Variants in SORT1 observed in about 807,000 individuals in gnomAD.
SORT1 encodes sortilin 1.
A neutral mutation model predicts 101.7 loss-of-function variants in SORT1; 39 were observed. That is an observed-to-expected ratio of 0.38 (90% CI 0.30 to 0.50). SORT1 has a LOEUF of 0.50. SORT1 is among the 20% of genes least tolerant of loss of function. The pLI is 0.90. For missense variants in SORT1, 878 were observed against 1,040.4 expected (o/e 0.84, Z 2.15); for synonymous variants, 396 against 393.7 (o/e 1.01, Z -0.07).
rs1649303714 is a variant in SORT1, at chr1:109,342,590, A to C, written c.964-432T>G. 2.6e-5 allele frequency among the ~76,000 whole-genome samples: 4 copies of C among 152,194 alleles called. No homozygotes were observed. The South Asian group carries it at 8.3e-4, about 32-fold the overall frequency. On this transcript the variant is annotated intron_variant, in intron 8 of 19. Transcript: ENST00000256637. ...CATACAGTGCTTGCATAATTTAAAG[A>C]ATTATATACTTAAGGGTCTAGAAAA...
At position 109,369,569 on chromosome 1, in the gene SORT1, T is replaced by C. The variant is rs771169696; in HGVS notation, c.327A>G (p.Arg109=). The change falls in exon 2 of 20, where the codon AGA becomes AGG. Residue 109 remains arginine (R), a synonymous_variant. Transcript: ENST00000256637. ...NTHQHVFDDL[R]GSVSLSWVGD... is the part of the protein sequence containing the mutation. ...CAACCCAGGACAAGGATACTGAGCC[T>C]CTGAGATCATCAAACACATGCTATA... 1 of 1,609,152 alleles carries C rather than the reference T, an allele frequency of 6.2e-7. No homozygotes were observed. Among genetic ancestry groups the C allele is most frequent in the Non-Finnish European group, 8.5e-7 (1 of 1,175,526 alleles).
intron 13 of SORT1, 30 bp downstream of exon 13, chr1:109,326,962 A>G: frequency 1.3e-6 from 2 of 1,553,882 alleles, no homozygotes; most frequent in Non-Finnish European, 1.8e-6. Flanking sequence ...CTCTATGCAG[A>G]CAGTGTGTGT....
intron 3 of SORT1, among the ~76,000 whole-genome samples, 182 bp from the exon 4 acceptor site, chr1:109,355,651 C>CG (rs1184932557): frequency 1.4e-4 from 19 of 137,056 alleles, no homozygotes; most frequent in African/African-American, 4.4e-4. Flanking sequence ...ACCCGCCCCC[C>CG]CCCCCACAAA....
intron 7 of SORT1, among the ~76,000 whole-genome samples, chr1:109,347,278 C>T (rs191134508): frequency 3.3e-5 from 5 of 152,140 alleles, no homozygotes; most frequent in Admixed American, 6.5e-5. Context: ...ATTGCCTCTA[C>T]GTATAGCCTA....
At chr1:109,325,382 C>T (rs1234472932) in intron 13 of SORT1, among the ~76,000 whole-genome samples, 1 of 151,756 alleles carries the variant, frequency 6.6e-6, no homozygotes, top group Non-Finnish European at 1.5e-5. Context: ...GCTGGGATTA[C>T]AGGAACGTGC....
intron 15 of SORT1, among the ~76,000 whole-genome samples, chr1:109,320,905 T>C (rs1173050374): frequency 6.6e-6 from 1 of 152,028 alleles, no homozygotes; most frequent in East Asian, 1.9e-4. Flanking sequence ...ATAAGAGTTT[T>C]AGGTATTCAA....
At chr1:109,314,625 CTT>C in intron 18 of SORT1, 45 bp downstream of exon 18, 1 of 1,353,770 alleles carries the variant, frequency 7.4e-7, no homozygotes, top group Non-Finnish European at 1.1e-6. Flanking sequence ...CTAGATCAGC[CTT>C]CTGGCTTGAA....
chr1:109,320,548 G>A (rs76653573), intron 15 of SORT1, among the ~76,000 whole-genome samples: 198 of 152,276 alleles, frequency 1.3e-3, no homozygotes, highest in African/African-American at 4.5e-3. Context: ...TGGCATTGAT[G>A]AGCTGCTTCT....
At chr1:109,372,919 CA>C (rs1452809606) in intron 1 of SORT1, among the ~76,000 whole-genome samples, 1 of 140,446 alleles carries the variant, frequency 7.1e-6, no homozygotes, top group East Asian at 2.0e-4. Context: ...AAAAAAGATA[CA>C]AAAAATTAGC....
At chr1:109,382,045 G>T (rs1557824776) in intron 1 of SORT1, among the ~76,000 whole-genome samples, 2 of 150,582 alleles carry the variant, frequency 1.3e-5, no homozygotes, top group Admixed American at 6.6e-5. Context: ...AACTATATAA[G>T]TAAGCTATTT....
chr1:109,350,032 G>A (rs1649858175), intron 6 of SORT1, among the ~76,000 whole-genome samples: 1 of 152,108 alleles, frequency 6.6e-6, no homozygotes, highest in South Asian at 2.1e-4. Context: ...TATTCTCTAA[G>A]TTTTTGTCTG....
intron 1 of SORT1, among the ~76,000 whole-genome samples, chr1:109,378,732 AT>A (rs1557822562): frequency 1.1e-4 from 11 of 103,324 alleles, no homozygotes; most frequent in African/African-American, 4.0e-4. Flanking sequence ...ATATATATAT[AT>A]ATATATATAT....
intron 1 of SORT1, 38 bp from the exon 2 acceptor site, chr1:109,369,627 C>T: frequency 7.9e-7 from 1 of 1,259,626 alleles, no homozygotes; most frequent in Non-Finnish European, 1.2e-6. Context: ...AAATGACAGC[C>T]ACTCTCCTTC....
At chr1:109,361,362 TC>T (rs1274479187) in intron 3 of SORT1, among the ~76,000 whole-genome samples, 1 of 152,224 alleles carries the variant, frequency 6.6e-6, no homozygotes, top group Non-Finnish European at 1.5e-5. Context: ...AACAACAAGT[TC>T]CTCATTTCTG....
At chr1:109,326,544 T>A (rs1224668903) in intron 13 of SORT1, among the ~76,000 whole-genome samples, 4 of 145,932 alleles carry the variant, frequency 2.7e-5, no homozygotes, top group African/African-American at 1.0e-4. Flanking sequence ...TATACATATA[T>A]ATACACATAT....
Position 109,311,673 on chromosome 1 carries a change from T to C in SORT1, c.*2370A>G, listed in dbSNP as rs1485051042. 1 of 152,222 alleles carries C rather than the reference T, an allele frequency of 6.6e-6. No individual in the cohort carries two copies. Among genetic ancestry groups the C allele is most frequent in the East Asian group, 1.9e-4 (1 of 5,202 alleles). 9.4% of individuals were successfully genotyped at this position (152,222 alleles called of 1,614,324 possible). On this transcript the variant is annotated 3_prime_UTR_variant, in exon 20 of 20. Transcript: ENST00000256637. ...TCTGCAAACGTATTTAAAATTCCCA[T>C]TACTTTTGTTTTCAGCCATGAAAGA...
intron 1 of SORT1, among the ~76,000 whole-genome samples, chr1:109,392,049 G>C (rs1016529549): frequency 6.6e-6 from 1 of 152,192 alleles, no homozygotes; most frequent in Non-Finnish European, 1.5e-5. Flanking sequence ...TGTCAAATGT[G>C]ATGGCTTTGT....
intron 10 of SORT1, among the ~76,000 whole-genome samples, chr1:109,336,805 T>C (rs145884444): frequency 8.8e-6 from 1 of 113,760 alleles, no homozygotes; most frequent in Non-Finnish European, 1.9e-5. Flanking sequence ...GCAAAACTCT[T>C]GTCTCAGAAA....
At chr1:109,342,203 T>A (rs1181218647) in intron 8 of SORT1, 45 bp from the exon 9 acceptor site, 4 of 1,469,788 alleles carry the variant, frequency 2.7e-6, no homozygotes, top group Non-Finnish European at 1.9e-6. Context: ...TCTGCCAAGA[T>A]GCCATGGGCA....
Sources: allele counts gnomAD v4.1 joint callset (sites outside exome capture counted in the v4.1 genomes callset), GRCh38; gene constraint gnomAD v4.1.1; transcripts MANE v1.5; gene names NCBI Gene and HGNC (gene_info 2026-07-23, HGNC 2026-07-21).